Variants in APBB2 observed in about 807,000 individuals in gnomAD.
APBB2 encodes the protein amyloid beta precursor protein binding family B member 2.
APBB2 carries 38 observed loss-of-function variants against 82.5 expected under a neutral mutation model. The observed-to-expected ratio is 0.46, with a 90% CI of 0.36 to 0.60. The LOEUF (loss-of-function observed/expected upper bound fraction) is 0.60. Among genes scored for constraint, APBB2 ranks in the 20% least tolerant of loss-of-function variants. The probability of loss-of-function intolerance (pLI) is 0.00; values close to 1 mark genes in which losing one functional copy is unlikely to be tolerated. For synonymous variants in APBB2, 341 were observed against 368.2 expected (o/e 0.93, Z 0.85); for missense variants, 772 against 972.3 (o/e 0.79, Z 2.74).
At chr4:41,151,079 GC>G (rs757736998) in intron 1 of APBB2, among the ~76,000 whole-genome samples, 3 of 152,064 alleles carry the variant, frequency 2.0e-5, no homozygotes, top group Non-Finnish European at 2.9e-5. Flanking sequence ...ACTCCATACT[GC>G]ATCCATGCTC....
intron 1 of APBB2, among the ~76,000 whole-genome samples, chr4:41,147,889 C>T (rs1175176803): frequency 6.6e-6 from 1 of 151,992 alleles, no homozygotes; most frequent in Non-Finnish European, 1.5e-5. Context: ...CACTGGAGCC[C>T]ACTCCTCTAG....
chr4:40,977,455 G>A (rs1481776727), intron 6 of APBB2, among the ~76,000 whole-genome samples: 3 of 151,812 alleles, frequency 2.0e-5, no homozygotes, highest in East Asian at 1.9e-4. Context: ...TGGGATTACC[G>A]GCACCCACTA....
At chr4:41,031,604 A>G (rs950252380) in intron 5 of APBB2, among the ~76,000 whole-genome samples, 2 of 152,210 alleles carry the variant, frequency 1.3e-5, no homozygotes, top group African/African-American at 4.8e-5. Flanking sequence ...GCATAACAAA[A>G]TATAGCAAGA....
chr4:41,074,124 T>TAAAC (rs1309887671), intron 3 of APBB2, among the ~76,000 whole-genome samples: 2 of 152,182 alleles, frequency 1.3e-5, no homozygotes, highest in Non-Finnish European at 2.9e-5. Context: ...AGACCATCTC[T>TAAAC]AAACAAACAA....
intron 3 of APBB2, among the ~76,000 whole-genome samples, chr4:41,088,697 G>GT (rs1740700681): frequency 6.6e-6 from 1 of 152,212 alleles, no homozygotes; most frequent in Non-Finnish European, 1.5e-5. Flanking sequence ...AGGCAGCCTG[G>GT]TAGAGGGCCC....
Position 41,154,848 on chromosome 4 carries a change from C to T in APBB2, c.-416-11706G>A, listed in dbSNP as rs1460038553. Among the ~76,000 whole-genome samples the T allele has an allele frequency of 2.0e-5, 3 of 152,150 alleles. No individual in the cohort carries two copies. In the East Asian group the frequency reaches 5.8e-4, roughly 29 times the overall value. On this transcript the variant is annotated intron_variant, in intron 1 of 17. Transcript: ENST00000508593. ...AACATATGTGCTCATGTATCAACAT[C>T]TATGTTTCTCCTCCCACAAGGTCCA... is the stretch of plus-strand genomic sequence containing the variant.
At chr4:41,016,999 C>T (rs1810166336) in intron 5 of APBB2, among the ~76,000 whole-genome samples, 2 of 152,144 alleles carry the variant, frequency 1.3e-5, no homozygotes, top group Admixed American at 6.5e-5. Flanking sequence ...TAGGCTCAAG[C>T]GATCTTCCTA....
At chr4:41,089,675 T>G (rs186663767) in intron 3 of APBB2, among the ~76,000 whole-genome samples, 54 of 152,314 alleles carry the variant, frequency 3.5e-4, no homozygotes, top group African/African-American at 1.2e-3. Flanking sequence ...CATTCACAGA[T>G]AGCCAGTGGA....
chr4:40,821,025 C>T (rs567015264), intron 17 of APBB2, among the ~76,000 whole-genome samples: 2 of 152,264 alleles, frequency 1.3e-5, no homozygotes, highest in East Asian at 1.9e-4. Context: ...TGCGCCACCA[C>T]GCTGGCTAAT....
intron 1 of APBB2, among the ~76,000 whole-genome samples, chr4:41,160,633 T>C (rs895134557): frequency 6.6e-6 from 1 of 152,114 alleles, no homozygotes; most frequent in African/African-American, 2.4e-5. Context: ...TAAGAGGCTG[T>C]GTTTGGTGAC....
chr4:40,945,708 G>A (rs1366733123), intron 6 of APBB2, among the ~76,000 whole-genome samples: 1 of 152,126 alleles, frequency 6.6e-6, no homozygotes, highest in Non-Finnish European at 1.5e-5. Context: ...CACCTCCCGG[G>A]TTCACACCAT....
rs1380823846 is a variant in APBB2, at chr4:40,901,806, C to T, written c.1255-8395G>A. On this transcript the variant is annotated intron_variant, in intron 10 of 17. Coordinates refer to ENST00000508593, the MANE Select transcript of APBB2 (RefSeq NM_004307.2). ...CTGGGATTACAGGCGTGAGCCACCG[C>T]GCTCGGCCACACTTCAGGGATTTTA... 1.4e-4 allele frequency among the ~76,000 whole-genome samples: 21 copies of T among 152,230 alleles called. No homozygotes were observed. In the East Asian group the frequency reaches 2.5e-3, roughly 18 times the overall value.
intron 10 of APBB2, among the ~76,000 whole-genome samples, chr4:40,914,731 T>G (rs1346129904): frequency 6.6e-6 from 1 of 152,242 alleles, no homozygotes; most frequent in African/African-American, 2.4e-5. Context: ...AATTCAGTGT[T>G]GCTGGTGACT....
At chr4:40,907,348 CAT>C (rs56302731) in intron 10 of APBB2, among the ~76,000 whole-genome samples, 11,831 of 95,774 alleles carry the variant, frequency 0.12, 846 homozygotes, top group Non-Finnish European at 0.17. Flanking sequence ...TAATATATTA[CAT>C]ATATATATAT....
intron 2 of APBB2, among the ~76,000 whole-genome samples, chr4:41,117,473 G>T (rs1272964231): frequency 6.6e-6 from 1 of 151,640 alleles, no homozygotes; most frequent in East Asian, 1.9e-4. Flanking sequence ...TTGTATTTTT[G>T]ATAAAGATGG....
chr4:41,041,966 C>G (rs1311834696), intron 4 of APBB2, among the ~76,000 whole-genome samples: 1 of 152,048 alleles, frequency 6.6e-6, no homozygotes, highest in African/African-American at 2.4e-5. Context: ...TATGCTTCCC[C>G]CACAAATATA....
intron 2 of APBB2, among the ~76,000 whole-genome samples, chr4:41,126,848 T>A (rs923187038): frequency 9.2e-5 from 14 of 152,298 alleles, no homozygotes; most frequent in African/African-American, 3.4e-4. Flanking sequence ...CTCCTTAATT[T>A]TATCTTAACT....
At chr4:40,831,051 A>G (rs1378903663) in intron 12 of APBB2, among the ~76,000 whole-genome samples, 2 of 152,202 alleles carry the variant, frequency 1.3e-5, no homozygotes, top group African/African-American at 4.8e-5. Flanking sequence ...GTGAGCTATA[A>G]TCGTACCACT....
chr4:41,028,600 C>T (rs1715448681), intron 5 of APBB2, among the ~76,000 whole-genome samples: 1 of 152,166 alleles, frequency 6.6e-6, no homozygotes, highest in Non-Finnish European at 1.5e-5. Flanking sequence ...TAAGACATGC[C>T]TGAAATATGA....
Sources: allele counts gnomAD v4.1 joint callset (sites outside exome capture counted in the v4.1 genomes callset), GRCh38; gene constraint gnomAD v4.1.1; transcripts MANE v1.5; gene names NCBI Gene and HGNC (gene_info 2026-07-23, HGNC 2026-07-21).